The following NXPH1 variants were observed in gnomAD, a reference collection of about 807,000 sequenced individuals.
NXPH1 encodes neurexophilin 1.
NXPH1 carries 5 observed loss-of-function variants against 23.7 expected under a neutral mutation model. The ratio of observed to expected loss-of-function variants is 0.21; its 90% CI spans 0.11 to 0.44. The LOEUF (loss-of-function observed/expected upper bound fraction) is 0.44, where lower values mean the gene tolerates loss of function less well. Ranked by LOEUF, NXPH1 falls within the 20% of genes least tolerant of loss-of-function variation. The probability of loss-of-function intolerance (pLI) is 0.99; values close to 1 mark genes in which losing one functional copy is unlikely to be tolerated. For missense variants in NXPH1, 324 were observed against 321.6 expected, an observed-to-expected ratio of 1.01 and a Z score of -0.06; for synonymous variants, 144 against 122.2, an observed-to-expected ratio of 1.18 and a Z score of -1.18.
At chr7:8,581,199 A>G (rs1818862550) in intron 2 of NXPH1, among the ~76,000 whole-genome samples, 1 of 152,182 alleles carries the variant, frequency 6.6e-6, no homozygotes. Flanking sequence ...TTTTAAAAAT[A>G]TATACTTATT....
intron 2 of NXPH1, among the ~76,000 whole-genome samples, chr7:8,553,335 G>A (rs1326667691): frequency 8.0e-6 from 1 of 125,106 alleles, no homozygotes; most frequent in African/African-American, 2.9e-5. Flanking sequence ...GAAGGTGGTG[G>A]GCATTTTTTT....
chr7:8,589,701 T>C (rs1018535371), intron 2 of NXPH1, among the ~76,000 whole-genome samples: 25 of 151,972 alleles, frequency 1.6e-4, no homozygotes, highest in African/African-American at 6.0e-4. Flanking sequence ...GAACCAAATA[T>C]GAAGTTGGGG....
intron 2 of NXPH1, among the ~76,000 whole-genome samples, chr7:8,437,220 G>T (rs957654647): frequency 6.6e-6 from 1 of 152,128 alleles, no homozygotes; most frequent in African/African-American, 2.4e-5. Context: ...AACGCAGGCG[G>T]AATGCAAAAA....
chr7:8,515,029 A>C (rs1388138730), intron 2 of NXPH1, among the ~76,000 whole-genome samples: 1 of 152,078 alleles, frequency 6.6e-6, no homozygotes, highest in Non-Finnish European at 1.5e-5. Flanking sequence ...AGCGTTGCAG[A>C]AAGTGATGCC....
intron 2 of NXPH1, among the ~76,000 whole-genome samples, chr7:8,599,666 C>G (rs780490758): frequency 1.3e-5 from 2 of 152,060 alleles, no homozygotes; most frequent in African/African-American, 2.4e-5. Flanking sequence ...TCAATTTGTA[C>G]TATTGTTAGC....
chr7:8,509,542 G>T (rs1247894612), intron 2 of NXPH1, among the ~76,000 whole-genome samples: 4 of 151,990 alleles, frequency 2.6e-5, no homozygotes, highest in Non-Finnish European at 5.9e-5. Flanking sequence ...TAAGGAAATT[G>T]GTAGTCCTCT....
rs1399579628 is a variant in NXPH1 at position 8,442,502 on chromosome 7, C to T, written c.54+6735C>T. ...CGCCACACCGGAAGGAGAGGGCATC[C>T]GGCTCACACATCCCACCCTATGTCT... On this transcript the variant is annotated intron_variant, in intron 2 of 2. Coordinates refer to ENST00000405863, the MANE Select transcript of NXPH1 (RefSeq NM_152745.3). The surrounding 1 kb of genome is among the most constrained non-coding windows in gnomAD (Gnocchi z 4.6). 1.3e-5 allele frequency among the ~76,000 whole-genome samples: 2 copies of T among 152,180 alleles called. No homozygotes were observed. The highest frequency in any genetic ancestry group is 4.8e-5 in the African/African-American group (2 of 41,448).
chr7:8,486,763 T>C (rs1195431598), intron 2 of NXPH1, among the ~76,000 whole-genome samples: 2 of 152,152 alleles, frequency 1.3e-5, no homozygotes, highest in African/African-American at 4.8e-5. Flanking sequence ...GACCTCATAA[T>C]TTTTGGTGTG....
intron 2 of NXPH1, among the ~76,000 whole-genome samples, chr7:8,642,849 C>A (rs1820339308): frequency 6.7e-6 from 1 of 149,070 alleles, no homozygotes; most frequent in Non-Finnish European, 1.5e-5. Flanking sequence ...TGGGCATATA[C>A]TTTTTTTTTT....
At chr7:8,550,047 C>T (rs1251450936) in intron 2 of NXPH1, among the ~76,000 whole-genome samples, 1 of 151,556 alleles carries the variant, frequency 6.6e-6, no homozygotes, top group Non-Finnish European at 1.5e-5. Context: ...TACAATATAT[C>T]AAATGCAACC....
At chr7:8,689,261 T>C (rs377332695) in intron 2 of NXPH1, among the ~76,000 whole-genome samples, 1 of 152,038 alleles carries the variant, frequency 6.6e-6, no homozygotes, top group Admixed American at 6.6e-5. Flanking sequence ...CCTAGTCTTT[T>C]ACACAAGTAA....
chr7:8,443,990 G>A (rs948339317), intron 2 of NXPH1, among the ~76,000 whole-genome samples: 2 of 152,166 alleles, frequency 1.3e-5, no homozygotes, highest in African/African-American at 2.4e-5. Context: ...AGCAGACACT[G>A]CGGTCACTTA....
rs938476741 is a variant in NXPH1 at position 8,465,424 on chromosome 7, G to C, written c.54+29657G>C. The stretch of plus-strand genomic sequence containing the variant: ...TTATAAGGCCTCTCACCCCTGAAAG[G>C]CTTCCTTTTAGGTCATGGTCCAGCT... On this transcript the variant is annotated intron_variant, in intron 2 of 2. Coordinates refer to ENST00000405863, the MANE Select transcript of NXPH1 (RefSeq NM_152745.3). Among the ~76,000 whole-genome samples, 6 of 152,158 alleles carry C rather than the reference G, an allele frequency of 3.9e-5. No individual in the cohort carries two copies. The East Asian group carries it at 1.2e-3, about 29-fold the overall frequency.
chr7:8,473,934 C>T (rs769639343), intron 2 of NXPH1, among the ~76,000 whole-genome samples: 4 of 152,112 alleles, frequency 2.6e-5, no homozygotes, highest in Non-Finnish European at 5.9e-5. Context: ...TGAACTGCTG[C>T]AGGTATCCTG....
At chr7:8,486,479 A>G (rs941980418) in intron 2 of NXPH1, among the ~76,000 whole-genome samples, 1 of 152,172 alleles carries the variant, frequency 6.6e-6, no homozygotes, top group Non-Finnish European at 1.5e-5. Flanking sequence ...CCCTCAAAGG[A>G]TACATTCTTC....
At chr7:8,621,788 C>T (rs1338755912) in intron 2 of NXPH1, among the ~76,000 whole-genome samples, 5 of 152,124 alleles carry the variant, frequency 3.3e-5, no homozygotes, top group Non-Finnish European at 7.4e-5. Context: ...TTACTACATA[C>T]ATGACATTAG....
intron 2 of NXPH1, among the ~76,000 whole-genome samples, chr7:8,483,524 G>C (rs1249374477): frequency 6.6e-6 from 1 of 151,924 alleles, no homozygotes; most frequent in Non-Finnish European, 1.5e-5. Context: ...GCCCAGGCTG[G>C]TCTCAAACTC....
chr7:8,689,948 C>T (rs1821200519), intron 2 of NXPH1, among the ~76,000 whole-genome samples: 1 of 152,128 alleles, frequency 6.6e-6, no homozygotes, highest in South Asian at 2.1e-4. Context: ...CAGAGCTGAG[C>T]CAGGCAAATT....
chr7:8,502,360 T>C (rs188674168), intron 2 of NXPH1, among the ~76,000 whole-genome samples: 1 of 152,132 alleles, frequency 6.6e-6, no homozygotes. Flanking sequence ...TCTAAAACTA[T>C]ATTTATTTCT....
Sources: allele counts gnomAD v4.1 joint callset (sites outside exome capture counted in the v4.1 genomes callset), GRCh38; gene constraint gnomAD v4.1.1; non-coding constraint Gnocchi (gnomAD v3.1); transcripts MANE v1.5; gene names NCBI Gene and HGNC (gene_info 2026-07-23, HGNC 2026-07-21).